NME7: variants seen among roughly 807,000 people sequenced by gnomAD.
The protein encoded by NME7 is nucleoside diphosphate kinase 7.
A neutral mutation model predicts 49.1 loss-of-function variants in NME7; 41 were observed. That is an observed-to-expected ratio of 0.83 (90% CI 0.65 to 1.08). NME7 has a LOEUF of 1.08. Among genes scored for constraint, NME7 ranks in the 50% least tolerant of loss-of-function variants. NME7 has a pLI of 0.00. For missense variants in NME7, 423 were observed against 463.4 expected, an observed-to-expected ratio of 0.91 and a Z score of 0.80; for synonymous variants, 139 against 150.6, an observed-to-expected ratio of 0.92 and a Z score of 0.56.
Position 169,331,519 on chromosome 1 carries a change from G to A in NME7, c.4-7019C>T, listed in dbSNP as rs552333498. 1.7e-4 allele frequency among the ~76,000 whole-genome samples: 26 copies of A among 152,118 alleles called. No homozygotes were observed. The South Asian group carries it at 4.8e-3, about 28-fold the overall frequency. On this transcript the variant is annotated intron_variant, in intron 1 of 11. Transcript: ENST00000367811. ...TATAAAGGGCATCCAAATTGAAAAG[G>A]AAGAAGTCAAATTATCCTTGTTTAC...
intron 10 of NME7, among the ~76,000 whole-genome samples, chr1:169,189,628 TTCTTA>T (rs1418171141): frequency 1.3e-5 from 2 of 152,178 alleles, no homozygotes; most frequent in Non-Finnish European, 2.9e-5. Context: ...AGTTTTTCTT[TTCTTA>T]TATTATTTCT....
intron 1 of NME7, among the ~76,000 whole-genome samples, chr1:169,329,903 C>G (rs1325505016): frequency 6.6e-6 from 1 of 152,058 alleles, no homozygotes; most frequent in Non-Finnish European, 1.5e-5. Context: ...AATAATCTAA[C>G]TCTCAAAGGT....
intron 3 of NME7, among the ~76,000 whole-genome samples, chr1:169,314,753 C>T (rs973161050): frequency 6.8e-6 from 1 of 147,820 alleles, no homozygotes; most frequent in Non-Finnish European, 1.5e-5. Context: ...TATCCCGGAA[C>T]TTAAAGAAAA....
intron 5 of NME7, among the ~76,000 whole-genome samples, chr1:169,302,741 A>G (rs1043384793): frequency 6.6e-6 from 1 of 152,152 alleles, no homozygotes; most frequent in Non-Finnish European, 1.5e-5. Context: ...ACAAACCTGC[A>G]CATGTACCCC....
At chr1:169,349,449 C>T (rs954237407) in intron 1 of NME7, among the ~76,000 whole-genome samples, 3 of 152,130 alleles carry the variant, frequency 2.0e-5, no homozygotes, top group African/African-American at 4.8e-5. Flanking sequence ...ATGGAATATG[C>T]GTGACATTCA....
intron 11 of NME7, among the ~76,000 whole-genome samples, chr1:169,149,980 A>G (rs1263851574): frequency 1.3e-5 from 2 of 152,196 alleles, no homozygotes; most frequent in African/African-American, 4.8e-5. Flanking sequence ...GGGTCCCTTC[A>G]TGATTCTTAA....
At chr1:169,341,249 C>G (rs1434624787) in intron 1 of NME7, among the ~76,000 whole-genome samples, 1 of 152,174 alleles carries the variant, frequency 6.6e-6, no homozygotes, top group Admixed American at 6.5e-5. Flanking sequence ...CTAAAAGGGG[C>G]CAAGATACAG....
At chr1:169,150,923 CTTTA>C (rs954233520) in intron 11 of NME7, among the ~76,000 whole-genome samples, 5 of 152,178 alleles carry the variant, frequency 3.3e-5, no homozygotes, top group African/African-American at 1.2e-4. Flanking sequence ...TCCTATAAAA[CTTTA>C]TTTATGGACA....
At chr1:169,269,093 T>C (rs1043489932) in intron 7 of NME7, among the ~76,000 whole-genome samples, 3 of 133,770 alleles carry the variant, frequency 2.2e-5, no homozygotes, top group African/African-American at 7.6e-5. Context: ...TTAAATGCAA[T>C]CCTTCCTCAA....
intron 10 of NME7, among the ~76,000 whole-genome samples, chr1:169,179,502 T>C (rs1659864281): frequency 6.6e-6 from 1 of 152,220 alleles, no homozygotes. Flanking sequence ...TAAAGACATA[T>C]GCACCTGTAT....
intron 7 of NME7, among the ~76,000 whole-genome samples, chr1:169,242,908 C>T (rs888494721): frequency 2.0e-5 from 3 of 151,880 alleles, no homozygotes; most frequent in Admixed American, 2.0e-4. Flanking sequence ...GATGAAAGAG[C>T]TAAATAAATG....
chr1:169,166,950 C>T (rs535806990), intron 11 of NME7, among the ~76,000 whole-genome samples: 2 of 152,114 alleles, frequency 1.3e-5, no homozygotes, highest in South Asian at 2.1e-4. Context: ...ACAGCCTGGG[C>T]GACAGAGTGA....
chr1:169,195,214 T>C (rs968639777), intron 10 of NME7, among the ~76,000 whole-genome samples: 9 of 152,116 alleles, frequency 5.9e-5, no homozygotes, highest in Non-Finnish European at 1.2e-4. Context: ...AATAAAAAGA[T>C]ACTTTTAAAA....
At chr1:169,318,145 C>A (rs1390131899) in intron 3 of NME7, among the ~76,000 whole-genome samples, 3 of 152,160 alleles carry the variant, frequency 2.0e-5, no homozygotes, top group African/African-American at 7.2e-5. Flanking sequence ...TTCTGTAGAT[C>A]CAACTTTTCC....
chr1:169,255,201 G>T (rs1425785131), intron 7 of NME7, among the ~76,000 whole-genome samples: 1 of 136,856 alleles, frequency 7.3e-6, no homozygotes, highest in African/African-American at 2.6e-5. Context: ...GGGAGTCTAA[G>T]TCTCTTTGTA....
intron 7 of NME7, among the ~76,000 whole-genome samples, chr1:169,283,162 A>C (rs1010988076): frequency 1.3e-5 from 2 of 152,140 alleles, no homozygotes; most frequent in Admixed American, 6.5e-5. Context: ...TAGGATAGTC[A>C]GTACTTCTTG....
At chr1:169,173,934 A>T (rs1188755309) in intron 10 of NME7, among the ~76,000 whole-genome samples, 1 of 152,250 alleles carries the variant, frequency 6.6e-6, no homozygotes, top group Non-Finnish European at 1.5e-5. Flanking sequence ...ATGCTGAGAA[A>T]ATCAGACTCA....
intron 1 of NME7, among the ~76,000 whole-genome samples, chr1:169,327,954 C>T (rs1013035953): frequency 1.1e-4 from 17 of 152,126 alleles, no homozygotes; most frequent in Non-Finnish European, 4.4e-5. Flanking sequence ...TGTACCTTGG[C>T]CTCATTTCAA....
intron 1 of NME7, among the ~76,000 whole-genome samples, chr1:169,337,013 C>T (rs1652503623): frequency 6.6e-6 from 1 of 152,268 alleles, no homozygotes; most frequent in South Asian, 2.1e-4. Context: ...CTGGCTTCAC[C>T]CAGTGGATCC....
Sources: gnomAD v4.1 joint callset for allele counts (sites outside exome capture counted in the v4.1 genomes callset) on GRCh38, gnomAD v4.1.1 for gene constraint, MANE v1.5 for transcripts, NCBI Gene and HGNC (gene_info 2026-07-23, HGNC 2026-07-21) for gene names.